Variants in OCM observed in about 807,000 individuals in gnomAD.
The protein encoded by OCM is oncomodulin, also known as oncomodulin-1.
Under a neutral mutation model 14.1 loss-of-function variants are expected in OCM, and 18 were observed. That is an observed-to-expected ratio of 1.28 (90% CI 0.88 to 1.89). OCM has a LOEUF of 1.89. Ranked by LOEUF, OCM falls within the 40% of genes most tolerant of loss-of-function variation. The pLI, the probability that OCM is intolerant of heterozygous loss-of-function variation, is 0.00. For missense variants in OCM, 140 were observed against 137.6 expected, an observed-to-expected ratio of 1.02 and a Z score of -0.09; for synonymous variants, 48 against 51.0, an observed-to-expected ratio of 0.94 and a Z score of 0.25.
chr7:5,882,518 A>C lies in OCM; in HGVS notation c.87A>C (p.Lys29Asn). 1.9e-6 allele frequency: 3 copies of C among 1,614,176 alleles called. No homozygotes were observed. The highest frequency in any genetic ancestry group is 2.5e-6 in the Non-Finnish European group (3 of 1,180,012). ...CRDPDTFEPQ[K>N]FFQTSGLSKM... ...ACCCAGACACTTTTGAACCCCAAAAATTCTTCCAGACATCAGGCCTCTCCA... is the reference window on the plus strand; with the variant it reads ...ACCCAGACACTTTTGAACCCCAAAACTTCTTCCAGACATCAGGCCTCTCCA... The change falls in exon 2 of 4, where the codon AAA becomes AAC. Residue 29 changes from lysine to asparagine, a missense_variant. Coordinates refer to ENST00000242104, the MANE Select transcript of OCM (RefSeq NM_001097622.2).
At chr7:5,884,068 G>A in intron 3 of OCM, 69 bp downstream of exon 3, 2 of 1,587,756 alleles carry the variant, frequency 1.3e-6, no homozygotes, top group South Asian at 1.1e-5. Flanking sequence ...CTTGGGCTGT[G>A]AGATCAAACC....
chr7:5,880,935 C>A lies in OCM; in HGVS notation c.46C>A (p.Leu16Ile), dbSNP rs1468678857. 1 of 1,613,836 alleles carries A rather than the reference C, an allele frequency of 6.2e-7. No homozygotes were observed. Among genetic ancestry groups the A allele is most frequent in the Non-Finnish European group, 8.5e-7 (1 of 1,179,858 alleles). Reference sequence around the variant, plus strand: ...CAGTGCTGACGACATTGCAGCAGCGCTCCAGGAATGCCGAGGTAGAGGGGA... The same window carrying A: ...CAGTGCTGACGACATTGCAGCAGCGATCCAGGAATGCCGAGGTAGAGGGGA... ...VLSADDIAAA[L>I]QECRDPDTFE... is the part of the protein sequence containing the mutation. The change falls in exon 1 of 4, where the codon CTC becomes ATC. Residue 16 changes from leucine to isoleucine, a missense_variant. By Grantham distance (5) the Leu-to-Ile change is conservative. Transcript: ENST00000242104.
chr7:5,880,983 C>T (rs745948826), intron 1 of OCM, 33 bp downstream of exon 1: 1 of 1,604,462 alleles, frequency 6.2e-7, no homozygotes, highest in South Asian at 1.1e-5. Context: ...GTGGGATTTC[C>T]TCACAGCTTT....
chr7:5,884,432 A>C (rs986661817), intron 3 of OCM, among the ~76,000 whole-genome samples: 6 of 152,188 alleles, frequency 3.9e-5, no homozygotes, highest in African/African-American at 7.2e-5. Context: ...CTTCGTCTTC[A>C]AGGGTTTAGA....
At chr7:5,879,745 A>T (rs1583170209), upstream of OCM, 1 of 95,778 alleles carries the variant, frequency 1.0e-5, no homozygotes, top group East Asian at 2.4e-4. Flanking sequence ...CATTCCCTTG[A>T]GACATAAATA....
In OCM at chr7:5,880,901, G is replaced by C. The variant is rs373831481; in HGVS notation, c.12G>C (p.Thr4=). The change falls in exon 1 of 4, where the codon ACG becomes ACC. Residue 4 remains threonine (T), a synonymous_variant. Transcript: ENST00000242104. ...TGAGTAGGTAGAAAATGAGCATCAC[G>C]GACGTGCTCAGTGCTGACGACATTG... is the stretch of plus-strand genomic sequence containing the variant. The part of the protein sequence containing the change: MSI[T]DVLSADDIAA... 13 of 1,613,886 alleles carry C rather than the reference G, an allele frequency of 8.1e-6. No homozygotes were observed. Among genetic ancestry groups the C allele is most frequent in the Non-Finnish European group, 1.1e-5 (13 of 1,179,960 alleles).
chr7:5,872,345 C>T, the OCM span, among the ~76,000 whole-genome samples: 7 of 152,158 alleles, frequency 4.6e-5, no homozygotes, highest in African/African-American at 1.2e-4. Context: ...GCAGTCACTT[C>T]GTCTCACGAA....
chr7:5,881,318 CAAA>C (rs1310064726), intron 1 of OCM, among the ~76,000 whole-genome samples: 696 of 58,798 alleles, frequency 0.012, 8 homozygotes, highest in African/African-American at 0.042. Flanking sequence ...ACTCTGTCTA[CAAA>C]AAAAAAAAAA....
chr7:5,871,566 T>C, the OCM span, among the ~76,000 whole-genome samples: 1 of 152,078 alleles, frequency 6.6e-6, no homozygotes. Context: ...CGACATCATA[T>C]TCGTGAACTG....
chr7:5,869,101 T>G, the OCM span, among the ~76,000 whole-genome samples: 13 of 151,524 alleles, frequency 8.6e-5, no homozygotes, highest in Non-Finnish European at 1.5e-4. Flanking sequence ...AAGGACTGAG[T>G]CCAAAGTTCC....
chr7:5,883,844 T>C, intron 2 of OCM, 46 bp from the exon 3 acceptor site: 1 of 1,611,308 alleles, frequency 6.2e-7, no homozygotes, highest in Non-Finnish European at 8.5e-7. Flanking sequence ...AACACAGAGA[T>C]GCATGATCTT....
intron 3 of OCM, among the ~76,000 whole-genome samples, chr7:5,885,613 CTTTTTT>C: frequency 7.2e-6 from 1 of 138,364 alleles, no homozygotes; most frequent in East Asian, 2.1e-4. Flanking sequence ...TCTTTCTTTC[CTTTTTT>C]TTTTTTTTTG....
intron 3 of OCM, among the ~76,000 whole-genome samples, chr7:5,885,191 G>C (rs1213141336): frequency 1.3e-5 from 2 of 151,144 alleles, no homozygotes; most frequent in Non-Finnish European, 2.9e-5. Context: ...TATAAAGCAA[G>C]TCCCCAGTTT....
At chr7:5,879,864 C>T (rs1781173416), upstream of OCM, 1 of 151,770 alleles carries the variant, frequency 6.6e-6, no homozygotes. Context: ...TTTTTCTAGC[C>T]TATATAAGGT....
rs767313972 is a variant in OCM at position 5,883,909 on chromosome 7, G to C, written c.214G>C (p.Glu72Gln). 4.3e-6 allele frequency: 7 copies of C among 1,612,772 alleles called. No homozygotes were observed. The highest frequency in any genetic ancestry group is 5.1e-6 in the Non-Finnish European group (6 of 1,179,232). The stretch of plus-strand genomic sequence containing the variant: ...CTGTAGGTTTTTCCTCCAGAAGTTT[G>C]AGAGTGGTGCCAGAGAACTGACCGA... The part of the protein sequence containing the change: ...EELKFFLQKF[E>Q]SGARELTESE... The change falls in exon 3 of 4, where the codon GAG (glutamate) becomes CAG (glutamine). Residue 72 changes from glutamate (E) to glutamine (Q), a missense_variant. Glu to Gln is a conservative substitution (Grantham distance 29). Transcript: ENST00000242104.
upstream of OCM, among the ~76,000 whole-genome samples, chr7:5,878,754 C>CA (rs1209421248): frequency 1.1e-3 from 134 of 126,282 alleles, no homozygotes; most frequent in South Asian, 3.8e-3. Context: ...TCTCAAAAAA[C>CA]AAAAAAAAAA....
the OCM span, among the ~76,000 whole-genome samples, chr7:5,860,184 A>T: frequency 2.6e-5 from 4 of 151,688 alleles, no homozygotes; most frequent in African/African-American, 9.7e-5. Flanking sequence ...TAATTAACTC[A>T]CTTAAGTCTT....
chr7:5,871,073 G>A, the OCM span, among the ~76,000 whole-genome samples: 3,018 of 152,002 alleles, frequency 0.02, 119 homozygotes, highest in African/African-American at 0.07. Flanking sequence ...AAAGCCAGGC[G>A]CAGTGGCTCA....
Position 5,883,969 on chromosome 7 carries a change from A to G in OCM, c.274A>G (p.Asn92Asp). The change falls in exon 3 of 4, where the codon AAT (asparagine) becomes GAT (aspartate). Residue 92 changes from asparagine to aspartate, a missense_variant. Coordinates refer to ENST00000242104, the MANE Select transcript of OCM (RefSeq NM_001097622.2). Reference protein sequence around the residue: ...ETKSLMAAADNDGDGKIGAEE... With the variant: ...ETKSLMAAADDDGDGKIGAEE... ...CAAGTCCTTGATGGCTGCGGCGGAT[A>G]ATGATGGAGATGGGAAAATTGGAGC... 1.2e-6 allele frequency: 2 copies of G among 1,613,296 alleles called. No homozygotes were observed. The highest frequency in any genetic ancestry group is 1.7e-6 in the Non-Finnish European group (2 of 1,179,606).
Sources: gnomAD v4.1 joint callset for allele counts (sites outside exome capture counted in the v4.1 genomes callset) on GRCh38, gnomAD v4.1.1 for gene constraint, MANE v1.5 for transcripts, NCBI Gene and HGNC (gene_info 2026-07-23, HGNC 2026-07-21) for gene names.